Variants in SERF1A observed in about 807,000 individuals in gnomAD.
SERF1A encodes small EDRK-rich factor 1A.
rs1749040951 is a variant in SERF1A, at chr5:70,904,791, G to A, written c.116+2858G>A. On this transcript the variant is annotated intron_variant, in intron 2 of 2. Transcript: ENST00000317633. Reference sequence around the variant, plus strand: ...TGGTCTCAAACTACTGACCTCAAGTGATCCACCCGCCTCGGCCTCCCAAAG... The same window carrying A: ...TGGTCTCAAACTACTGACCTCAAGTAATCCACCCGCCTCGGCCTCCCAAAG... 5.5e-5 allele frequency among the ~76,000 whole-genome samples: 3 copies of A among 54,852 alleles called. 1 individual carries two copies. The highest frequency in any genetic ancestry group is 1.1e-4 in the Non-Finnish European group (3 of 27,432). The allele number at this position is 54,852 out of a possible 152,430, so 36.0% of individuals were successfully genotyped here.
At chr5:70,904,858 T>C (rs1390887027) in intron 2 of SERF1A, among the ~76,000 whole-genome samples, 2 of 64,298 alleles carry the variant, frequency 3.1e-5, no homozygotes, top group Non-Finnish European at 6.1e-5. Context: ...GGCCCAGTTA[T>C]ACCTTTTTTT....
In SERF1A at chr5:70,913,394, A is replaced by AC. The variant is rs904787526; in HGVS notation, c.117-3547_117-3546insC. Among the ~76,000 whole-genome samples the AC allele has an allele frequency of 5.7e-5, 8 of 140,478 alleles. 1 individual carries two copies. The highest frequency in any genetic ancestry group is 7.3e-5 in the Admixed American group (1 of 13,628). The allele number at this position is 140,478 out of a possible 152,430, so 92.2% of individuals were successfully genotyped here. A position where few individuals can be genotyped will look rare whatever the true frequency, so the allele number is the denominator to read the frequency against. ...ACTCTGTCTCAAAAAAAAAAAAAAAAAAAAAACATACAAACCGAATTTCCA... is the reference window on the plus strand; with the variant it reads ...ACTCTGTCTCAAAAAAAAAAAAAAAACAAAAAACATACAAACCGAATTTCCA... On this transcript the variant is annotated intron_variant, in intron 2 of 2. Transcript: ENST00000354833.
chr5:70,913,240 G>A (rs1314433199), intron 2 of SERF1A, among the ~76,000 whole-genome samples: 2 of 118,794 alleles, frequency 1.7e-5, no homozygotes, highest in African/African-American at 2.8e-5. Flanking sequence ...TTAGCCAAGC[G>A]TGGTGGTGGG....
At chr5:70,910,795 A>AT (rs1413382425), downstream of SERF1A, among the ~76,000 whole-genome samples, 3 of 24,424 alleles carry the variant, frequency 1.2e-4, no homozygotes, top group South Asian at 2.3e-3. Flanking sequence ...TATTATTATT[A>AT]TTATTTTTTT....
At position 70,905,234 on chromosome 5, in the gene SERF1A, C is replaced by T. The variant is rs1471343940; in HGVS notation, c.117-2500C>T. The T allele has an allele frequency of 4.7e-5, 7 of 147,572 alleles. 1 individual carries two copies. Among genetic ancestry groups the T allele is most frequent in the Non-Finnish European group, 6.7e-5 (6 of 89,156 alleles). The allele number at this position is 147,572 out of a possible 1,614,324, so 9.1% of individuals were successfully genotyped here. A position where few individuals can be genotyped will look rare whatever the true frequency, so the allele number is the denominator to read the frequency against. ...AGACTGGAGTGCAGTGCCACAGTCT[C>T]GGTTCACTGCAAGCTCTGCCTCCCA... On this transcript the variant is annotated intron_variant, in intron 2 of 2. Coordinates refer to ENST00000317633, the MANE Select transcript of SERF1A (RefSeq NM_022968.2).
At chr5:70,913,374 G>GT (rs1478793135) in intron 2 of SERF1A, among the ~76,000 whole-genome samples, 1 of 52,892 alleles carries the variant, frequency 1.9e-5, no homozygotes, top group African/African-American at 6.7e-5. Flanking sequence ...ACAAGACTCT[G>GT]TCTCAAAAAA....
At chr5:70,912,982 G>T (rs1749146877), downstream of SERF1A, among the ~76,000 whole-genome samples, 1 of 48,170 alleles carries the variant, frequency 2.1e-5, no homozygotes, top group African/African-American at 6.7e-5. Flanking sequence ...CAGGAGAATC[G>T]CTTGAACCCA....
intron 2 of SERF1A, among the ~76,000 whole-genome samples, chr5:70,904,569 T>A (rs1749033737): frequency 2.0e-5 from 1 of 48,942 alleles, no homozygotes. Flanking sequence ...TTTTTTTTTT[T>A]AAAGGCAGAG....
chr5:70,916,374 G>A (rs1195963623), intron 2 of SERF1A, among the ~76,000 whole-genome samples: 1 of 40,742 alleles, frequency 2.5e-5, no homozygotes, highest in Non-Finnish European at 3.8e-5. Flanking sequence ...TATGAATAAT[G>A]CTACCGTAAC....
At chr5:70,912,012 TACACACACAC>T (rs1203956669), downstream of SERF1A, among the ~76,000 whole-genome samples, 1 of 22,878 alleles carries the variant, frequency 4.4e-5, no homozygotes, top group Non-Finnish European at 9.5e-5. Flanking sequence ...TCTCAAAACA[TACACACACAC>T]ACACACACAC....
At chr5:70,910,815 T>C (rs1432159938), downstream of SERF1A, among the ~76,000 whole-genome samples, 1 of 30,866 alleles carries the variant, frequency 3.2e-5, no homozygotes. Flanking sequence ...TTTTTTTTTT[T>C]TGAGACGGAG....
At chr5:70,909,082 G>GT (rs1239868777), downstream of SERF1A, among the ~76,000 whole-genome samples, 404 of 53,118 alleles carry the variant, frequency 7.6e-3, 2 homozygotes, top group African/African-American at 0.023. Flanking sequence ...TTTGTGGGGT[G>GT]TTTTTTTTTT....
intron 2 of SERF1A, among the ~76,000 whole-genome samples, chr5:70,913,261 C>A (rs1320672407): frequency 2.7e-5 from 3 of 110,772 alleles, no homozygotes; most frequent in Non-Finnish European, 3.8e-5. Context: ...CGCCTGTAAT[C>A]CCAACTACTT....
chr5:70,913,115 T>C (rs1048338214), downstream of SERF1A, among the ~76,000 whole-genome samples: 1 of 143,910 alleles, frequency 6.9e-6, no homozygotes, highest in Non-Finnish European at 1.5e-5. Flanking sequence ...GGCTCATGCC[T>C]GTAATCCAGC....
chr5:70,904,929 G>A (rs1458561485), intron 2 of SERF1A, among the ~76,000 whole-genome samples: 1 of 37,562 alleles, frequency 2.7e-5, no homozygotes, highest in Non-Finnish European at 4.8e-5. Context: ...TATGCACAAC[G>A]TGCAGGTTTG....
chr5:70,912,051 ACACACACTCT>A (rs1293343388), downstream of SERF1A, among the ~76,000 whole-genome samples: 4 of 43,164 alleles, frequency 9.3e-5, 1 homozygote, highest in South Asian at 1.7e-3. Context: ...ACACACACAC[ACACACACTCT>A]CTCTCTCTCT....
downstream of SERF1A, among the ~76,000 whole-genome samples, chr5:70,911,842 C>CA (rs1158470138): frequency 3.2e-3 from 15 of 4,728 alleles, no homozygotes; most frequent in African/African-American, 7.4e-3. Context: ...TCATCTCTAC[C>CA]AAAAAAAAAA....
intron 2 of SERF1A, among the ~76,000 whole-genome samples, chr5:70,913,231 T>C (rs2112789585): frequency 8.1e-6 from 1 of 123,636 alleles, no homozygotes; most frequent in Middle Eastern, 4.8e-3. Context: ...ATACAAAAAT[T>C]AGCCAAGCGT....
At position 70,903,852 on chromosome 5, in the gene SERF1A, T is replaced by G. The variant is rs2112784419; in HGVS notation, c.116+1919T>G. Among the ~76,000 whole-genome samples the G allele has an allele frequency of 4.3e-5, 2 of 46,558 alleles. 1 individual carries two copies. The highest frequency in any genetic ancestry group is 2.7e-3 in the East Asian group (2 of 742). 30.5% of individuals were successfully genotyped at this position (46,558 alleles called of 152,430 possible). ...CGGGCGAGGTGGCAGGCGCCTGTAGTCCCAGCTATTTGGGAGGCTGAGGCA... is the reference window on the plus strand; with the variant it reads ...CGGGCGAGGTGGCAGGCGCCTGTAGGCCCAGCTATTTGGGAGGCTGAGGCA... On this transcript the variant is annotated intron_variant, in intron 2 of 2. Transcript: ENST00000317633.
Sources: gnomAD v4.1 joint callset for allele counts (sites outside exome capture counted in the v4.1 genomes callset) on GRCh38, gnomAD v4.1.1 for gene constraint, MANE v1.5 for transcripts, NCBI Gene and HGNC (gene_info 2026-07-23, HGNC 2026-07-21) for gene names.